The following ATM variants were observed in gnomAD, a reference collection of about 807,000 sequenced individuals.
The protein encoded by ATM is serine-protein kinase ATM.
Under a neutral mutation model 387.0 loss-of-function variants are expected in ATM, and 308 were observed. The ratio of observed to expected loss-of-function variants is 0.80; its 90% CI spans 0.73 to 0.87. The LOEUF (loss-of-function observed/expected upper bound fraction) is 0.87. Ranked by LOEUF, ATM falls within the 40% of genes least tolerant of loss-of-function variation. The pLI is 0.00. For synonymous variants in ATM, 1,156 were observed against 1,187.3 expected (o/e 0.97, Z 0.54); for missense variants, 3,312 against 3,560.9 (o/e 0.93, Z 1.78).
At chr11:108,329,535 C>A (rs943600373) in intron 49 of ATM, among the ~76,000 whole-genome samples, 2 of 152,198 alleles carry the variant, frequency 1.3e-5, no homozygotes, top group Non-Finnish European at 2.9e-5. Flanking sequence ...CCCCTGAGCC[C>A]CCGAAATAGC....
intron 59 of ATM, 62 bp downstream of exon 59, chr11:108,347,427 G>C: frequency 7.6e-7 from 1 of 1,322,474 alleles, no homozygotes; most frequent in Non-Finnish European, 1.1e-6. Context: ...ATGGAATGTT[G>C]TTTGCCTACC....
rs181252598 is a variant in ATM at position 108,291,736 on chromosome 11, T to G, written c.4437-883T>G. ...ATGAGGAAGCATGAGAGGAGAAAACTTTTCCTAGTGTTTGCAGATTGGCTT... is the reference window on the plus strand; with the variant it reads ...ATGAGGAAGCATGAGAGGAGAAAACGTTTCCTAGTGTTTGCAGATTGGCTT... On this transcript the variant is annotated intron_variant, in intron 29 of 62. Coordinates refer to ENST00000675843, the MANE Select transcript of ATM (RefSeq NM_000051.4). 3.4e-3 allele frequency among the ~76,000 whole-genome samples: 514 copies of G among 152,326 alleles called. No individual in the cohort carries two copies. The Middle Eastern group carries it at 0.041, about 12-fold the overall frequency.
chr11:108,241,294 A>T (rs1040198424), intron 5 of ATM, among the ~76,000 whole-genome samples: 1 of 152,110 alleles, frequency 6.6e-6, no homozygotes, highest in Non-Finnish European at 1.5e-5. Context: ...GTTTTTTAAG[A>T]AGAAGAAGGA....
At chr11:108,356,497 T>C (rs571436025) in intron 61 of ATM, among the ~76,000 whole-genome samples, 160 of 149,278 alleles carry the variant, frequency 1.1e-3, no homozygotes, top group Non-Finnish European at 1.8e-3. Flanking sequence ...AATTGCACCA[T>C]TGCCCTCCAG....
intron 20 of ATM, among the ~76,000 whole-genome samples, 159 bp from the exon 21 acceptor site, chr11:108,272,372 AT>A (rs1336174682): frequency 1.1e-4 from 17 of 152,206 alleles, no homozygotes; most frequent in African/African-American, 4.1e-4. Context: ...TTTAGCTTGA[AT>A]TTTTGGCAAG....
At chr11:108,263,130 C>G (rs2135461690) in intron 16 of ATM, among the ~76,000 whole-genome samples, 1 of 149,842 alleles carries the variant, frequency 6.7e-6, no homozygotes, top group East Asian at 2.0e-4. Context: ...CTGCACCAAG[C>G]AGACCTAATA....
rs775616416 is a variant in ATM at position 108,301,809 on chromosome 11, T to C, written c.5319+20T>C. ...AAAAAGGTCTCTTAAGTAATAAATG[T>C]TTATTGAATACCCAGCATATCTAAA... is the stretch of plus-strand genomic sequence containing the variant. On this transcript the variant is annotated intron_variant, in intron 35 of 62. Coordinates refer to ENST00000675843, the MANE Select transcript of ATM (RefSeq NM_000051.4). The C allele has an allele frequency of 1.2e-5, 19 of 1,611,536 alleles. No homozygotes were observed. Among genetic ancestry groups the C allele is most frequent in the Non-Finnish European group, 1.4e-5 (17 of 1,178,316 alleles).
At chr11:108,270,106 T>C (rs371009442) in intron 18 of ATM, among the ~76,000 whole-genome samples, 32 of 152,360 alleles carry the variant, frequency 2.1e-4, no homozygotes, top group African/African-American at 7.5e-4. Flanking sequence ...TATTTCAGTA[T>C]AGCCAGAAAA....
intron 58 of ATM, 102 bp downstream of exon 58, chr11:108,346,010 T>C: frequency 7.5e-7 from 1 of 1,335,412 alleles, no homozygotes; most frequent in South Asian, 1.2e-5. Context: ...TGCAGGGGGA[T>C]GATAGTGATG....
At chr11:108,273,207 CATTTTACATTGTGCT>C (rs1398388144) in intron 22 of ATM, among the ~76,000 whole-genome samples, 1 of 151,654 alleles carries the variant, frequency 6.6e-6, no homozygotes, top group Non-Finnish European at 1.5e-5. Flanking sequence ...ATAATTAGCA[CATTTTACATTGTGCT>C]AATTACAATT....
In ATM at chr11:108,348,375, T is replaced by C. The variant is rs1282738534; in HGVS notation, c.8671+1010T>C. Reference sequence around the variant, plus strand: ...TCTAGGTGGAATAGACAGTTTAATATATAAGAAAGAAAGAATATGTAGCTT... The same window carrying C: ...TCTAGGTGGAATAGACAGTTTAATACATAAGAAAGAAAGAATATGTAGCTT... On this transcript the variant is annotated intron_variant, in intron 59 of 62. Coordinates refer to ENST00000675843, the MANE Select transcript of ATM (RefSeq NM_000051.4). 6.6e-5 allele frequency among the ~76,000 whole-genome samples: 10 copies of C among 151,676 alleles called. No homozygotes were observed. In the East Asian group the frequency reaches 1.9e-3, roughly 29 times the overall value.
At chr11:108,287,558 G>T (rs1397272250) in intron 26 of ATM, 42 bp from the exon 27 acceptor site, 6 of 1,301,400 alleles carry the variant, frequency 4.6e-6, no homozygotes, top group African/African-American at 1.5e-5. Flanking sequence ...GACGTTCACA[G>T]ATATAAAATA....
chr11:108,285,662 G>A (rs2082453904), intron 26 of ATM, among the ~76,000 whole-genome samples: 1 of 151,698 alleles, frequency 6.6e-6, no homozygotes, highest in East Asian at 1.9e-4. Context: ...AAATGGAACA[G>A]CAAGTTCCTT....
At chr11:108,358,490 T>C (rs2090312760) in intron 61 of ATM, among the ~76,000 whole-genome samples, 1 of 149,640 alleles carries the variant, frequency 6.7e-6, no homozygotes, top group Non-Finnish European at 1.5e-5. Context: ...AGACACATAA[T>C]TGTCAGATTC....
Position 108,331,465 on chromosome 11 carries a change from A to G in ATM, c.7537A>G (p.Thr2513Ala), listed in dbSNP as rs1480066803. The change falls in exon 51 of 63, where the codon ACA becomes GCA. Residue 2513 changes from threonine (T) to alanine (A), a missense_variant. This residue lies in a region of ATM where 1,405 missense variants were observed against 1,604.4 expected (regional missense o/e 0.88). Coordinates refer to ENST00000675843, the MANE Select transcript of ATM (RefSeq NM_000051.4). The part of the protein sequence containing the change: ...MMKRDGMKIP[T>A]YKFLPLMYQL... The stretch of plus-strand genomic sequence containing the variant: ...GTAGAGAGACGGAATGAAGATTCCA[A>G]CATATAAATTTTTGCCTCTTATGTA... 1 of 1,613,488 alleles carries G rather than the reference A, an allele frequency of 6.2e-7. No homozygotes were observed. The highest frequency in any genetic ancestry group is 1.7e-5 in the Admixed American group (1 of 59,996).
chr11:108,331,796 A>G, intron 51 of ATM, 83 bp from the exon 52 acceptor site: 3 of 1,496,594 alleles, frequency 2.0e-6, no homozygotes, highest in Non-Finnish European at 2.8e-6. Flanking sequence ...ACAGTAATAC[A>G]CATTTTAATG....
intron 22 of ATM, among the ~76,000 whole-genome samples, chr11:108,275,280 A>C (rs968044313): frequency 6.6e-6 from 1 of 152,146 alleles, no homozygotes; most frequent in Non-Finnish European, 1.5e-5. Flanking sequence ...GGTCCCCTGA[A>C]TACAGCACAC....
intron 3 of ATM, among the ~76,000 whole-genome samples, chr11:108,228,495 A>C (rs986910906): frequency 4.6e-5 from 7 of 152,238 alleles, no homozygotes; most frequent in African/African-American, 1.7e-4. Flanking sequence ...AAATACTGAG[A>C]GTATTAAATA....
intron 34 of ATM, 93 bp from the exon 35 acceptor site, chr11:108,301,555 A>T (rs2135909369): frequency 6.7e-7 from 1 of 1,499,970 alleles, no homozygotes; most frequent in Non-Finnish European, 9.2e-7. Flanking sequence ...TACAAATTTT[A>T]AATTTTAGTT....
Sources: allele counts gnomAD v4.1 joint callset (sites outside exome capture counted in the v4.1 genomes callset), GRCh38; gene constraint gnomAD v4.1.1; regional missense constraint gnomAD v4.1.1; transcripts MANE v1.5; gene names NCBI Gene and HGNC (gene_info 2026-07-23, HGNC 2026-07-21).